Variants in NOX4 observed in about 807,000 individuals in gnomAD.
NOX4 encodes NADPH oxidase 4, also known as kidney oxidase-1.
A neutral mutation model predicts 87.6 loss-of-function variants in NOX4; 69 were observed. The observed-to-expected ratio is 0.79, with a 90% confidence interval of 0.65 to 0.96. The LOEUF is 0.96. Among genes scored for constraint, NOX4 ranks in the 40% least tolerant of loss-of-function variants. The probability of loss-of-function intolerance (pLI) is 0.00; values close to 1 mark genes in which losing one functional copy is unlikely to be tolerated. For missense variants in NOX4, 680 were observed against 681.5 expected (o/e 1.00, Z 0.02); for synonymous variants, 275 against 238.2 (o/e 1.15, Z -1.42).
chr11:89,414,600 T>A (rs2135237960), intron 8 of NOX4, among the ~76,000 whole-genome samples: 1 of 142,078 alleles, frequency 7.0e-6, no homozygotes, highest in Admixed American at 7.2e-5. Flanking sequence ...TTCTGGCAAG[T>A]AAAGTATCAC....
At chr11:89,437,953 T>G (rs1014658461) in intron 6 of NOX4, among the ~76,000 whole-genome samples, 1 of 151,870 alleles carries the variant, frequency 6.6e-6, no homozygotes, top group Non-Finnish European at 1.5e-5. Context: ...CGAGACGGTA[T>G]GCTCAAGAGT....
chr11:89,461,207 T>C (rs1453908307), intron 2 of NOX4, among the ~76,000 whole-genome samples: 10 of 151,768 alleles, frequency 6.6e-5, no homozygotes, highest in African/African-American at 2.4e-4. Flanking sequence ...TACCTAATGT[T>C]AAATGACGAG....
At chr11:89,559,056 T>G in the NOX4 span, among the ~76,000 whole-genome samples, 1 of 152,152 alleles carries the variant, frequency 6.6e-6, no homozygotes, top group South Asian at 2.1e-4. Context: ...CTCATAATTT[T>G]GATTTTCCAT....
At chr11:89,545,707 T>TAAAA in the NOX4 span, 1 of 132,758 alleles carries the variant, frequency 7.5e-6, no homozygotes. Context: ...AAGTACTGCT[T>TAAAA]AAAAAAAAAA....
the NOX4 span, among the ~76,000 whole-genome samples, chr11:89,508,511 C>T: frequency 6.6e-6 from 1 of 152,000 alleles, no homozygotes. Flanking sequence ...GTGTTTTGAA[C>T]GTGCCAGCTT....
chr11:89,422,124 A>G (rs1943116070), intron 7 of NOX4, 142 bp from the exon 8 acceptor site: 3 of 492,710 alleles, frequency 6.1e-6, no homozygotes, highest in Non-Finnish European at 1.1e-5. Flanking sequence ...TACTAATACC[A>G]AAGTATTAAC....
chr11:89,491,941 T>C (rs1014759250), upstream of NOX4, among the ~76,000 whole-genome samples: 1 of 151,982 alleles, frequency 6.6e-6, no homozygotes, highest in South Asian at 2.1e-4. Flanking sequence ...CAGCCTTACC[T>C]AAGGCTTCCC....
the NOX4 span, among the ~76,000 whole-genome samples, chr11:89,527,757 C>A: frequency 6.6e-6 from 1 of 152,220 alleles, no homozygotes; most frequent in Admixed American, 6.5e-5. Context: ...GATGTCTAGG[C>A]AGAAATTTGC....
chr11:89,525,828 T>C, the NOX4 span, among the ~76,000 whole-genome samples: 2 of 152,256 alleles, frequency 1.3e-5, no homozygotes, highest in African/African-American at 2.4e-5. Context: ...TTTTCTTCTA[T>C]AAATTCTATG....
At position 89,383,039 on chromosome 11, in the gene NOX4, TA is replaced by T. The variant is rs1391852762; in HGVS notation, c.1075-9548del. Among the ~76,000 whole-genome samples the T allele has an allele frequency of 7.3e-5, 11 of 151,522 alleles. No individual in the cohort carries two copies. In the East Asian group the frequency reaches 1.6e-3, roughly 21 times the overall value. Reference sequence around the variant, plus strand: ...TTATCACCCAGTCAGCTCCTAACATTAAAAAAAAGCTTCAAAAATTAGAATC... The same window carrying T: ...TTATCACCCAGTCAGCTCCTAACATTAAAAAAAGCTTCAAAAATTAGAATC... On this transcript the variant is annotated intron_variant, in intron 11 of 17. Transcript: ENST00000263317.
chr11:89,530,845 T>C, the NOX4 span, among the ~76,000 whole-genome samples: 13 of 152,274 alleles, frequency 8.5e-5, no homozygotes, highest in South Asian at 2.7e-3. Context: ...GAAATACATG[T>C]GGCTCTGTAG....
chr11:89,467,494 C>G (rs1173374421), intron 2 of NOX4, among the ~76,000 whole-genome samples: 1 of 151,676 alleles, frequency 6.6e-6, no homozygotes, highest in Non-Finnish European at 1.5e-5. Flanking sequence ...ACATTTATTT[C>G]TCTCCATTCC....
At chr11:89,412,760 T>C (rs902227097) in intron 8 of NOX4, among the ~76,000 whole-genome samples, 13 of 152,040 alleles carry the variant, frequency 8.6e-5, no homozygotes, top group African/African-American at 2.9e-4. Context: ...CTCCAGGACA[T>C]TGGACTGGGC....
intron 13 of NOX4, among the ~76,000 whole-genome samples, chr11:89,352,085 G>T (rs1946480661): frequency 6.6e-6 from 1 of 152,122 alleles, no homozygotes; most frequent in Admixed American, 6.5e-5. Flanking sequence ...AGTATGGAAT[G>T]ATAGACAGTG....
intron 11 of NOX4, among the ~76,000 whole-genome samples, chr11:89,397,429 G>A (rs535588742): frequency 2.6e-4 from 39 of 151,898 alleles, no homozygotes; most frequent in African/African-American, 8.4e-4. Context: ...AAGAGCAAAC[G>A]AATACAAAAG....
chr11:89,348,681 T>C (rs1210238116), intron 13 of NOX4, among the ~76,000 whole-genome samples: 1 of 152,174 alleles, frequency 6.6e-6, no homozygotes, highest in Non-Finnish European at 1.5e-5. Context: ...CAAGTGTATG[T>C]GTGCTTGCAC....
At chr11:89,462,248 C>G (rs1945504082) in intron 2 of NOX4, among the ~76,000 whole-genome samples, 1 of 152,024 alleles carries the variant, frequency 6.6e-6, no homozygotes, top group African/African-American at 2.4e-5. Context: ...AATTAATACA[C>G]CATGTTTCAT....
the NOX4 span, chr11:89,534,066 T>A: frequency 6.6e-6 from 1 of 152,264 alleles, no homozygotes; most frequent in Admixed American, 6.5e-5. Flanking sequence ...CTCAAATTTC[T>A]GTTTTAATCC....
At chr11:89,410,957 G>C (rs12294876) in intron 8 of NOX4, among the ~76,000 whole-genome samples, 2,644 of 152,128 alleles carry the variant, frequency 0.017, 77 homozygotes, top group African/African-American at 0.06. Flanking sequence ...AGTTCTGGGA[G>C]AGACCTCTTC....
Sources: gnomAD v4.1 joint callset for allele counts (sites outside exome capture counted in the v4.1 genomes callset) on GRCh38, gnomAD v4.1.1 for gene constraint, MANE v1.5 for transcripts, NCBI Gene and HGNC (gene_info 2026-07-23, HGNC 2026-07-21) for gene names.